The following KCTD10 variants were observed in gnomAD, a reference collection of about 807,000 sequenced individuals.
KCTD10 encodes the protein BTB/POZ domain-containing adapter for CUL3-mediated RhoA degradation protein 3.
A neutral mutation model predicts 34.6 loss-of-function variants in KCTD10; 13 were observed. The ratio of observed to expected loss-of-function variants is 0.38; its 90% confidence interval spans 0.24 to 0.60. The LOEUF is 0.60. Among genes scored for constraint, KCTD10 ranks in the 20% least tolerant of loss-of-function variants. The probability of loss-of-function intolerance (pLI) is 0.66; values close to 1 mark genes in which losing one functional copy is unlikely to be tolerated. For synonymous variants in KCTD10, 156 were observed against 168.8 expected (o/e 0.92, Z 0.59); for missense variants, 256 against 420.3 (o/e 0.61, Z 3.42).
intron 1 of KCTD10, among the ~76,000 whole-genome samples, chr12:109,474,021 T>C (rs1427776129): frequency 6.6e-6 from 1 of 152,138 alleles, no homozygotes; most frequent in Non-Finnish European, 1.5e-5. Context: ...CCTCAGGTGA[T>C]CCTTCTGCCT....
chr12:109,470,317 G>A, intron 1 of KCTD10: 15 of 985,472 alleles, frequency 1.5e-5, no homozygotes, highest in Non-Finnish European at 1.8e-5. Context: ...AGGTGTTTCT[G>A]AGGACTAAAC....
Position 109,449,380 on chromosome 12 carries a change from G to A in KCTD10, c.*2215C>T, listed in dbSNP as rs1872645406. The A allele has an allele frequency of 6.6e-6, 1 of 152,226 alleles. No homozygotes were observed. The highest frequency in any genetic ancestry group is 2.4e-5 in the African/African-American group (1 of 41,444). The allele number at this position is 152,226 out of a possible 1,614,324, so 9.4% of individuals were successfully genotyped here. A position where few individuals can be genotyped will look rare whatever the true frequency, so the allele number is the denominator to read the frequency against. Reference sequence around the variant, plus strand: ...CAGAAACACTAGCTCATTAGGCATAGAGGCCACAGCAAATCAAATTGTTCC... The same window carrying A: ...CAGAAACACTAGCTCATTAGGCATAAAGGCCACAGCAAATCAAATTGTTCC... On this transcript the variant is annotated 3_prime_UTR_variant, in exon 7 of 7. Coordinates refer to ENST00000228495, the MANE Select transcript of KCTD10 (RefSeq NM_031954.5).
chr12:109,476,145 T>C (rs1282504102), intron 1 of KCTD10, among the ~76,000 whole-genome samples: 3 of 152,208 alleles, frequency 2.0e-5, no homozygotes, highest in Non-Finnish European at 4.4e-5. Flanking sequence ...GAATGTCTGA[T>C]TCAGTAGTCT....
At position 109,450,208 on chromosome 12, in the gene KCTD10, T is replaced by TA; in HGVS notation, c.*1386dup. On this transcript the variant is annotated 3_prime_UTR_variant, in exon 7 of 7. Transcript: ENST00000228495. ...CCTGACGCACATTCACATCTCCTGG[T>TA]AACTACTCTACCTAGTCTAGTCTCA... 1 of 398,636 alleles carries TA rather than the reference T, an allele frequency of 2.5e-6. No homozygotes were observed. The highest frequency in any genetic ancestry group is 4.4e-6 in the Non-Finnish European group (1 of 226,072). The allele number at this position is 398,636 out of a possible 1,614,324, so 24.7% of individuals were successfully genotyped here. A position where few individuals can be genotyped will look rare whatever the true frequency, so the allele number is the denominator to read the frequency against.
intron 2 of KCTD10, among the ~76,000 whole-genome samples, chr12:109,465,485 T>C (rs765276385): frequency 5.9e-5 from 9 of 152,286 alleles, no homozygotes; most frequent in African/African-American, 2.2e-4. Flanking sequence ...TCCTACTGCC[T>C]GGGCCACACC....
At chr12:109,476,168 GA>G (rs1304008920) in intron 1 of KCTD10, among the ~76,000 whole-genome samples, 1 of 152,224 alleles carries the variant, frequency 6.6e-6, no homozygotes, top group Non-Finnish European at 1.5e-5. Context: ...GACAGGGCTT[GA>G]AATTTCAGCC....
intron 2 of KCTD10, among the ~76,000 whole-genome samples, chr12:109,465,843 G>A (rs1314296738): frequency 6.6e-6 from 1 of 152,224 alleles, no homozygotes; most frequent in African/African-American, 2.4e-5. Flanking sequence ...CTAGGGGAAT[G>A]TGCGATCACA....
At chr12:109,455,879 C>A (rs570405357) in intron 6 of KCTD10, among the ~76,000 whole-genome samples, 14 of 152,182 alleles carry the variant, frequency 9.2e-5, no homozygotes, top group African/African-American at 3.4e-4. Flanking sequence ...CCAGCCCAGT[C>A]AGGGAGTCAA....
rs139133763 is a variant in KCTD10, at chr12:109,450,817, CAG to C, written c.*776_*777del. 0.017 allele frequency: 2,696 copies of C among 155,266 alleles called. 83 individuals carry two copies. The highest frequency in any genetic ancestry group is 0.061 in the African/African-American group (2,527 of 41,596). The allele number at this position is 155,266 out of a possible 1,614,324, so 9.6% of individuals were successfully genotyped here. A position where few individuals can be genotyped will look rare whatever the true frequency, so the allele number is the denominator to read the frequency against. ...CTGGAGTTGGGGAAAGAACCAGAAA[CAG>C]AGCTGGACACTTACTGCCATGGAAA... On this transcript the variant is annotated 3_prime_UTR_variant, in exon 7 of 7. Coordinates refer to ENST00000228495, the MANE Select transcript of KCTD10 (RefSeq NM_031954.5).
rs11613021 is a variant in KCTD10 at position 109,460,193 on chromosome 12, T to G, written c.387+443A>C. The stretch of plus-strand genomic sequence containing the variant: ...GTTGGCCATGTCTAGAAGCATTTTG[T>G]TTTTGTGGGATTTTACTGTCACCAG... On this transcript the variant is annotated intron_variant, in intron 3 of 6. Coordinates refer to ENST00000228495, the MANE Select transcript of KCTD10 (RefSeq NM_031954.5). This position sits in a 1 kb window ranked among gnomAD's most constrained non-coding sequence, Gnocchi z 4.5. The G allele has an allele frequency of 0.17, 26,137 of 154,096 alleles. 2,286 individuals carry two copies. Among genetic ancestry groups the G allele is most frequent in the African/African-American group, 0.18 (7,676 of 41,600 alleles). 9.5% of individuals were successfully genotyped at this position (154,096 alleles called of 1,614,324 possible). A position where few individuals can be genotyped will look rare whatever the true frequency, so the allele number is the denominator to read the frequency against.
intron 2 of KCTD10, chr12:109,469,161 G>A (rs1311325757): frequency 3.7e-6 from 1 of 272,718 alleles, no homozygotes; most frequent in Non-Finnish European, 7.1e-6. Context: ...CACTTGGTTA[G>A]GATCACCAGA....
chr12:109,470,368 T>C, intron 1 of KCTD10: 1 of 985,586 alleles, frequency 1.0e-6, no homozygotes, highest in Non-Finnish European at 1.2e-6. Context: ...ATTGCAAAAT[T>C]AGACCTCCTA....
rs776887033 is a variant in KCTD10, at chr12:109,456,248, C to T, written c.593G>A (p.Gly198Glu). 21 of 1,614,050 alleles carry T rather than the reference C, an allele frequency of 1.3e-5. No individual in the cohort carries two copies. The highest frequency in any genetic ancestry group is 1.6e-4 in the Middle Eastern group (1 of 6,084). The change falls in exon 6 of 7, where the codon GGA becomes GAA. Residue 198 changes from glycine (G) to glutamate (E), a missense_variant. By Grantham distance (98) the Gly-to-Glu change is moderately conservative. Coordinates refer to ENST00000228495, the MANE Select transcript of KCTD10 (RefSeq NM_031954.5). The part of the protein sequence containing the change: ...LFDKLSLRFN[G>E]RVLFIKDVIG... ...AACATCCTTTATGAACAGGACCCTT[C>T]CGTTAAAGCGCAGAGACAGCTTATC...
At chr12:109,452,625 T>C (rs1403324429) in intron 6 of KCTD10, among the ~76,000 whole-genome samples, 1 of 152,194 alleles carries the variant, frequency 6.6e-6, no homozygotes, top group Non-Finnish European at 1.5e-5. Flanking sequence ...AGCAGCTAAC[T>C]GTGGACTCAG....
intron 5 of KCTD10, 100 bp from the exon 6 acceptor site, chr12:109,456,413 CACT>C (rs1167230667): frequency 1.0e-6 from 1 of 952,694 alleles, no homozygotes; most frequent in East Asian, 2.4e-5. Flanking sequence ...CCACTTTCTC[CACT>C]ACCTCATTTC....
chr12:109,456,169 A>G lies in KCTD10; in HGVS notation c.672T>C (p.Ala224=). The change falls in exon 6 of 7, where the codon GCT becomes GCC. Residue 224 remains alanine (A), a synonymous_variant. Transcript: ENST00000228495. ...WSFYGQGRKI[A]EVCCTSIVYA... is the part of the protein sequence containing the mutation. Reference sequence around the variant, plus strand: ...AGACGATGGAGGTACAACAGACTTCAGCAATCTTCCGGCCCTGACCATAAA... The same window carrying G: ...AGACGATGGAGGTACAACAGACTTCGGCAATCTTCCGGCCCTGACCATAAA... The G allele has an allele frequency of 1.2e-6, 2 of 1,614,204 alleles. No individual in the cohort carries two copies. The highest frequency in any genetic ancestry group is 1.7e-6 in the Non-Finnish European group (2 of 1,180,048).
rs1873284761 is a variant in KCTD10 at position 109,460,852 on chromosome 12, T to G, written c.218-47A>C. 6.3e-7 allele frequency: 1 copy of G among 1,578,924 alleles called. No homozygotes were observed. The highest frequency in any genetic ancestry group is 1.3e-5 in the African/African-American group (1 of 74,450). On this transcript the variant is annotated intron_variant, in intron 2 of 6. Coordinates refer to ENST00000228495, the MANE Select transcript of KCTD10 (RefSeq NM_031954.5). This position sits in a 1 kb window ranked among gnomAD's most constrained non-coding sequence, Gnocchi z 4.5. ...GCTGGTTACATGGGCCCTCCTCTTGTGGGAGGCCCTGAGCAGAGCTGGGGT... is the reference window on the plus strand; with the variant it reads ...GCTGGTTACATGGGCCCTCCTCTTGGGGGAGGCCCTGAGCAGAGCTGGGGT...
intron 1 of KCTD10, among the ~76,000 whole-genome samples, chr12:109,473,906 C>T (rs750388118): frequency 2.0e-5 from 3 of 151,974 alleles, no homozygotes; most frequent in Non-Finnish European, 2.9e-5. Flanking sequence ...CTCACCCTCC[C>T]GAGTAGCTGG....
intron 2 of KCTD10, among the ~76,000 whole-genome samples, chr12:109,465,423 G>C (rs1303118901): frequency 6.6e-6 from 1 of 152,198 alleles, no homozygotes; most frequent in Non-Finnish European, 1.5e-5. Context: ...ATGGACACTT[G>C]TGGTTCTCAA....
Sources: gnomAD v4.1 joint callset for allele counts (sites outside exome capture counted in the v4.1 genomes callset) on GRCh38, gnomAD v4.1.1 for gene constraint, Gnocchi (gnomAD v3.1) non-coding constraint, MANE v1.5 for transcripts, NCBI Gene and HGNC (gene_info 2026-07-23, HGNC 2026-07-21) for gene names.